Variants in BTAF1 observed in about 807,000 individuals in gnomAD.
The protein encoded by BTAF1 is B-TFIID TATA-box binding protein associated factor 1, also known as TATA-binding protein-associated factor 172.
In BTAF1, 38 loss-of-function variants were observed where a neutral mutation model predicts 227.1. The observed-to-expected ratio is 0.17, with a 90% CI of 0.13 to 0.22. The LOEUF is 0.22. BTAF1 is among the 10% of genes least tolerant of loss of function. The pLI is 1.00. For synonymous variants in BTAF1, 742 were observed against 751.9 expected, an observed-to-expected ratio of 0.99 and a Z score of 0.21; for missense variants, 1,598 against 2,204.0, an observed-to-expected ratio of 0.73 and a Z score of 5.51.
chr10:92,030,387 G>T lies in BTAF1; in HGVS notation c.*1454G>T, dbSNP rs946968876. On this transcript the variant is annotated 3_prime_UTR_variant, in exon 38 of 38. Coordinates refer to ENST00000265990, the MANE Select transcript of BTAF1 (RefSeq NM_003972.3). ...CTAGAAAGAGCAAAAGATTATTCAG[G>T]TATACAGGTTTTTTTTCATTGTTTA... The T allele has an allele frequency of 3.9e-4, 60 of 152,358 alleles. No individual in the cohort carries two copies. The highest frequency in any genetic ancestry group is 8.1e-4 in the Non-Finnish European group (55 of 67,932). The allele number at this position is 152,358 out of a possible 1,614,324, so 9.4% of individuals were successfully genotyped here. A position where few individuals can be genotyped will look rare whatever the true frequency, so the allele number is the denominator to read the frequency against.
rs1259123366 is a variant in BTAF1 at position 92,027,313 on chromosome 10, C to G, written c.5406+13C>G. Reference sequence around the variant, plus strand: ...TACTCTTGATAAGGTAAAGAACTTACACAATTTGTTGTATCTTTGAGTCAC... The same window carrying G: ...TACTCTTGATAAGGTAAAGAACTTAGACAATTTGTTGTATCTTTGAGTCAC... On this transcript the variant is annotated intron_variant, in intron 37 of 37. Coordinates refer to ENST00000265990, the MANE Select transcript of BTAF1 (RefSeq NM_003972.3). The G allele has an allele frequency of 6.3e-6, 10 of 1,585,570 alleles. No individual in the cohort carries two copies. The Admixed American group carries it at 7.6e-5, about 12-fold the overall frequency.
At position 91,982,195 on chromosome 10, in the gene BTAF1, T is replaced by C; in HGVS notation, c.2018T>C (p.Val673Ala). 1.9e-6 allele frequency: 3 copies of C among 1,613,928 alleles called. No homozygotes were observed. The highest frequency in any genetic ancestry group is 2.5e-6 in the Non-Finnish European group (3 of 1,179,868). ...GAAGACCCAGCCACCAGGGATTTTG[T>C]AGTTATGCGGGCCAGAATGATGGCA... The part of the protein sequence containing the change: ...IMEDPATRDF[V>A]VMRARMMAAK... Residue 673 changes from valine to alanine, a missense_variant, in exon 17 of 38, where the codon GTA becomes GCA. Val to Ala is a moderately conservative substitution (Grantham distance 64). Coordinates refer to ENST00000265990, the MANE Select transcript of BTAF1 (RefSeq NM_003972.3).
At chr10:91,941,967 C>T (rs559336098) in intron 3 of BTAF1, among the ~76,000 whole-genome samples, 40 of 152,306 alleles carry the variant, frequency 2.6e-4, no homozygotes, top group African/African-American at 9.1e-4. Flanking sequence ...ACTTACTACA[C>T]TTTTACTTTT....
chr10:92,008,140 T>C lies in BTAF1; in HGVS notation c.3678T>C (p.Pro1226=), dbSNP rs1354643428. Residue 1226 remains proline, a synonymous_variant, in exon 26 of 38, where the codon CCT becomes CCC. Transcript: ENST00000265990. The part of the protein sequence containing the change: ...LMPLEAGIPD[P]PNMSAELIQL... ...CATTTTAGGCAGGCATTCCAGACCC[T>C]CCAAACATGTCAGCAGAATTAATCC... is the stretch of plus-strand genomic sequence containing the variant. 2 of 1,590,550 alleles carry C rather than the reference T, an allele frequency of 1.3e-6. No homozygotes were observed. Among genetic ancestry groups the C allele is most frequent in the East Asian group, 4.5e-5 (2 of 43,970 alleles).
At chr10:92,015,746 A>G (rs1215872497) in intron 32 of BTAF1, among the ~76,000 whole-genome samples, 1 of 152,198 alleles carries the variant, frequency 6.6e-6, no homozygotes, top group East Asian at 1.9e-4. Flanking sequence ...TAGCATTCAC[A>G]GATTTTTTAT....
chr10:91,945,074 AC>A (rs1401614495), intron 4 of BTAF1, among the ~76,000 whole-genome samples: 2 of 152,194 alleles, frequency 1.3e-5, no homozygotes, highest in African/African-American at 4.8e-5. Flanking sequence ...GTTGACAACA[AC>A]CACAAAATCA....
In BTAF1 at chr10:91,942,403, A is replaced by G. The variant is rs1484306194; in HGVS notation, c.254-19A>G. On this transcript the variant is annotated intron_variant, in intron 3 of 37. Transcript: ENST00000265990. ...ACTTTGGCTATATGGTCAAATTAAT[A>G]TTTTTAAACCTCATGTAGAACCTAC... The G allele has an allele frequency of 3.1e-6, 5 of 1,609,660 alleles. No individual in the cohort carries two copies. In the South Asian group the frequency reaches 3.3e-5, roughly 11 times the overall value.
chr10:91,957,092 TAG>T, intron 7 of BTAF1, 131 bp from the exon 8 acceptor site: 1 of 551,756 alleles, frequency 1.8e-6, no homozygotes, highest in South Asian at 3.1e-5. Flanking sequence ...ATATCTTAAT[TAG>T]TTAAAAAAAT....
chr10:91,932,680 G>A (rs1487628390), intron 1 of BTAF1, among the ~76,000 whole-genome samples: 1 of 152,220 alleles, frequency 6.6e-6, no homozygotes, highest in East Asian at 1.9e-4. Flanking sequence ...TGTTCAAGAT[G>A]AGAATTCATG....
chr10:92,027,279 T>C lies in BTAF1; in HGVS notation c.5385T>C (p.Leu1795=). 6.2e-7 allele frequency: 1 copy of C among 1,612,476 alleles called. No homozygotes were observed. The highest frequency in any genetic ancestry group is 8.5e-7 in the Non-Finnish European group (1 of 1,179,514). The part of the protein sequence containing the change: ...SLQSMGTDQL[L]DLFTLDKDGK... Reference sequence around the variant, plus strand: ...AGAGCATGGGGACTGATCAGCTTCTTGATCTGTTTACTCTTGATAAGGTAA... The same window carrying C: ...AGAGCATGGGGACTGATCAGCTTCTCGATCTGTTTACTCTTGATAAGGTAA... Residue 1795 remains leucine (L), a synonymous_variant, in exon 37 of 38, where the codon CTT becomes CTC. Coordinates refer to ENST00000265990, the MANE Select transcript of BTAF1 (RefSeq NM_003972.3).
In BTAF1 at chr10:92,013,918, G is replaced by A. The variant is rs768780718; in HGVS notation, c.4473G>A (p.Ala1491=). The change falls in exon 32 of 38, where the codon GCG becomes GCA. Residue 1491 remains alanine (A), a synonymous_variant. Transcript: ENST00000265990. ...EQEAGVLAMD[A]LHRQVLPFLL... is the part of the protein sequence containing the mutation. ...TAACAGGTGTTCTTGCTATGGATGC[G>A]CTGCACCGCCAAGTACTACCGTTTC... The A allele has an allele frequency of 9.9e-6, 16 of 1,613,564 alleles. No individual in the cohort carries two copies. Among genetic ancestry groups the A allele is most frequent in the African/African-American group, 8.0e-5 (6 of 74,886 alleles).
chr10:91,987,468 G>A (rs371121444), intron 19 of BTAF1, among the ~76,000 whole-genome samples: 1 of 151,638 alleles, frequency 6.6e-6, no homozygotes, highest in African/African-American at 2.4e-5. Flanking sequence ...GGGTGACAGA[G>A]TGAGACTTGG....
At chr10:91,934,258 A>G (rs1348185152) in intron 1 of BTAF1, among the ~76,000 whole-genome samples, 1 of 151,814 alleles carries the variant, frequency 6.6e-6, no homozygotes, top group African/African-American at 2.4e-5. Context: ...TTTTTAAGAC[A>G]CAGTCTCACT....
chr10:91,950,148 T>TGTG lies in BTAF1; in HGVS notation c.401-1254_401-1253insTGG, dbSNP rs1554851556. ...TCAGAGTGAGAGACCTTGTCCTTTG[T>TGTG]GGGGGGGGGCGGGAAAGAAGACTAG... On this transcript the variant is annotated intron_variant, in intron 4 of 37. Transcript: ENST00000265990. Among the ~76,000 whole-genome samples the TGTG allele has an allele frequency of 2.9e-4, 7 of 24,428 alleles. No homozygotes were observed. The East Asian group carries it at 5.9e-3, about 21-fold the overall frequency. 16.0% of individuals were successfully genotyped at this position (24,428 alleles called of 152,430 possible).
chr10:91,968,497 A>G (rs1463818707), intron 14 of BTAF1, among the ~76,000 whole-genome samples: 3 of 152,242 alleles, frequency 2.0e-5, no homozygotes, highest in South Asian at 2.1e-4. Context: ...AAATTGTTAC[A>G]AACATTCACG....
chr10:91,954,997 T>C (rs1846001269), intron 6 of BTAF1, among the ~76,000 whole-genome samples: 1 of 152,254 alleles, frequency 6.6e-6, no homozygotes, highest in Admixed American at 6.5e-5. Context: ...TTTTGTTATA[T>C]GTATTCACAT....
rs781094375 is a variant in BTAF1, at chr10:91,982,666, C to T, written c.2128C>T (p.Leu710=). ...TCAAGAAATTAAACCAGCTGAATCCCTGGGCCAGTTACTACTCTTCCATTT... is the reference window on the plus strand; with the variant it reads ...TCAAGAAATTAAACCAGCTGAATCCTTGGGCCAGTTACTACTCTTCCATTT... ...VTQEIKPAES[L]GQLLLFHLNS... is the part of the protein sequence containing the mutation. Residue 710 remains leucine, a synonymous_variant, in exon 18 of 38, where the codon CTG becomes TTG. Transcript: ENST00000265990. 1 of 1,613,924 alleles carries T rather than the reference C, an allele frequency of 6.2e-7. No individual in the cohort carries two copies. Among genetic ancestry groups the T allele is most frequent in the South Asian group, 1.1e-5 (1 of 91,058 alleles).
rs565928581 is a variant in BTAF1, at chr10:92,024,222, A to G, written c.4864-534A>G. On this transcript the variant is annotated intron_variant, in intron 34 of 37. Transcript: ENST00000265990. ...ACATCTAGCTAAATGCTTCTTTTCTATAATTTTTTCTACCAAATGTGGCTG... is the reference window on the plus strand; with the variant it reads ...ACATCTAGCTAAATGCTTCTTTTCTGTAATTTTTTCTACCAAATGTGGCTG... 4.6e-5 allele frequency among the ~76,000 whole-genome samples: 7 copies of G among 152,324 alleles called. No homozygotes were observed. The East Asian group carries it at 5.8e-4, about 13-fold the overall frequency.
In BTAF1 at chr10:91,965,591, G is replaced by A. The variant is rs143334245; in HGVS notation, c.1530-1046G>A. Among the ~76,000 whole-genome samples, 679 of 152,228 alleles carry A rather than the reference G, an allele frequency of 4.5e-3. 5 individuals carry two copies. Among genetic ancestry groups the A allele is most frequent in the African/African-American group, 0.015 (630 of 41,540 alleles). On this transcript the variant is annotated intron_variant, in intron 13 of 37. Transcript: ENST00000265990. ...TCAATGTGAAATAATGTAGTTTTCC[G>A]TCTTTTTTGTTTCAAATTTGCTTCA...
Sources: allele counts gnomAD v4.1 joint callset (sites outside exome capture counted in the v4.1 genomes callset), GRCh38; gene constraint gnomAD v4.1.1; transcripts MANE v1.5; gene names NCBI Gene and HGNC (gene_info 2026-07-23, HGNC 2026-07-21).